The following RPSA2 variants were observed in gnomAD, a reference collection of about 807,000 sequenced individuals.
The protein encoded by RPSA2 is small ribosomal subunit protein uS2B.
At chr19:23,841,756 T>G in the RPSA2 span, among the ~76,000 whole-genome samples, 1 of 152,244 alleles carries the variant, frequency 6.6e-6, no homozygotes, top group African/African-American at 2.4e-5. Context: ...TTCACCTGTC[T>G]GTGTACTCCT....
chr19:23,830,906 T>A, the RPSA2 span, among the ~76,000 whole-genome samples: 2 of 152,192 alleles, frequency 1.3e-5, no homozygotes, highest in African/African-American at 4.8e-5. Context: ...TGTTGTTCTG[T>A]CCTGGCATAG....
the RPSA2 span, among the ~76,000 whole-genome samples, chr19:23,774,870 A>G: frequency 6.6e-6 from 1 of 152,172 alleles, no homozygotes. Context: ...GTCTGCTCTC[A>G]GAGAAGATTG....
the RPSA2 span, among the ~76,000 whole-genome samples, chr19:23,775,130 G>A: frequency 6.6e-6 from 1 of 152,210 alleles, no homozygotes; most frequent in Non-Finnish European, 1.5e-5. Context: ...AGCCCCGGGT[G>A]GTACAGAGAG....
At chr19:23,766,435 G>GT in the RPSA2 span, among the ~76,000 whole-genome samples, 1 of 141,556 alleles carries the variant, frequency 7.1e-6, no homozygotes, top group East Asian at 2.2e-4. Flanking sequence ...CAGTTAAGAA[G>GT]TTTTTTCTCA....
the RPSA2 span, among the ~76,000 whole-genome samples, chr19:23,867,736 A>G: frequency 3.3e-5 from 5 of 151,768 alleles, no homozygotes; most frequent in South Asian, 1.0e-3. Flanking sequence ...AGGCTGAGGC[A>G]GGAGAATGGC....
the RPSA2 span, chr19:23,758,717 C>G: frequency 3.1e-6 from 5 of 1,614,214 alleles, no homozygotes; most frequent in Middle Eastern, 1.6e-4. Context: ...CCCTTCCCCT[C>G]TCTCGGGATG....
At chr19:23,816,406 G>T in the RPSA2 span, among the ~76,000 whole-genome samples, 47 of 152,150 alleles carry the variant, frequency 3.1e-4, no homozygotes, top group African/African-American at 1.1e-3. Flanking sequence ...AAAGTCCTGA[G>T]ATTACATTTC....
the RPSA2 span, among the ~76,000 whole-genome samples, chr19:23,779,149 C>T: frequency 2.3e-3 from 350 of 151,930 alleles, 3 homozygotes; most frequent in African/African-American, 7.3e-3. Flanking sequence ...TACAGGCGCC[C>T]GCCACCACAC....
chr19:23,836,342 C>T, the RPSA2 span, among the ~76,000 whole-genome samples: 1 of 152,022 alleles, frequency 6.6e-6, no homozygotes, highest in Non-Finnish European at 1.5e-5. Context: ...CTTGTTATGG[C>T]TGAGTAGTAT....
chr19:23,822,862 T>G, the RPSA2 span, among the ~76,000 whole-genome samples: 1 of 152,200 alleles, frequency 6.6e-6, no homozygotes, highest in Non-Finnish European at 1.5e-5. Flanking sequence ...TCTCCTGTCT[T>G]TCCTGTGGCT....
At chr19:23,784,486 T>C in the RPSA2 span, among the ~76,000 whole-genome samples, 1 of 152,224 alleles carries the variant, frequency 6.6e-6, no homozygotes, top group Non-Finnish European at 1.5e-5. Flanking sequence ...AGGACTCTAT[T>C]ATCTGGACTC....
chr19:23,868,882 G>C, the RPSA2 span, among the ~76,000 whole-genome samples: 4 of 152,260 alleles, frequency 2.6e-5, no homozygotes, highest in Admixed American at 6.5e-5. Context: ...CTGAGCCTGA[G>C]TGCAAAAATG....
the RPSA2 span, chr19:23,832,192 AAG>A: frequency 4.7e-6 from 2 of 429,228 alleles, no homozygotes; most frequent in Non-Finnish European, 9.4e-6. Context: ...AACTAGATAT[AAG>A]AGGATGCACA....
At chr19:23,829,688 T>C in the RPSA2 span, among the ~76,000 whole-genome samples, 1 of 152,216 alleles carries the variant, frequency 6.6e-6, no homozygotes, top group Non-Finnish European at 1.5e-5. Flanking sequence ...TTTAATCTGG[T>C]AGAAAAACAG....
the RPSA2 span, among the ~76,000 whole-genome samples, chr19:23,801,490 G>A: frequency 7.0e-4 from 106 of 152,194 alleles, 1 homozygote; most frequent in African/African-American, 2.3e-3. Context: ...ATCCACTTGC[G>A]TCGGCCTCCC....
chr19:23,775,885 A>G, the RPSA2 span, among the ~76,000 whole-genome samples: 1 of 152,310 alleles, frequency 6.6e-6, no homozygotes. Flanking sequence ...TGGGGTATAT[A>G]CAGGATTGTT....
the RPSA2 span, among the ~76,000 whole-genome samples, chr19:23,851,764 A>T: frequency 1.3e-5 from 2 of 152,186 alleles, no homozygotes; most frequent in African/African-American, 2.4e-5. Flanking sequence ...GGCCTCAGGA[A>T]TGGGCTGATC....
At chr19:23,797,367 C>CA in the RPSA2 span, among the ~76,000 whole-genome samples, 1 of 152,182 alleles carries the variant, frequency 6.6e-6, no homozygotes, top group African/African-American at 2.4e-5. Flanking sequence ...CTCGGCCTCC[C>CA]AAAGTGCTGG....
At chr19:23,814,465 G>C in the RPSA2 span, among the ~76,000 whole-genome samples, 1 of 151,986 alleles carries the variant, frequency 6.6e-6, no homozygotes, top group Admixed American at 6.6e-5. Flanking sequence ...CTGTCTTTTT[G>C]TCAGTACCAC....
Sources: gnomAD v4.1 joint callset for allele counts (sites outside exome capture counted in the v4.1 genomes callset) on GRCh38, gnomAD v4.1.1 for gene constraint, MANE v1.5 for transcripts, NCBI Gene and HGNC (gene_info 2026-07-23, HGNC 2026-07-21) for gene names.